HS6ST1: variants seen among roughly 807,000 people sequenced by gnomAD.
The protein encoded by HS6ST1 is heparan sulfate 6-O-sulfotransferase 1.
A neutral mutation model predicts 25.2 loss-of-function variants in HS6ST1; 3 were observed. That is an observed-to-expected ratio of 0.12 (90% CI 0.05 to 0.31). HS6ST1 has a LOEUF of 0.31. Among genes scored for constraint, HS6ST1 ranks in the 10% least tolerant of loss-of-function variants. The pLI, the probability that HS6ST1 is intolerant of heterozygous loss-of-function variation, is 1.00. For synonymous variants in HS6ST1, 204 were observed against 275.1 expected, an observed-to-expected ratio of 0.74 and a Z score of 2.56; for missense variants, 310 against 609.6, an observed-to-expected ratio of 0.51 and a Z score of 5.18.
rs1693500686 is a variant in HS6ST1 at position 128,265,723 on chromosome 2, G to C, written c.*2439C>G. 1 of 152,128 alleles carries C rather than the reference G, an allele frequency of 6.6e-6. No homozygotes were observed. The highest frequency in any genetic ancestry group is 2.1e-4 in the South Asian group (1 of 4,822). The allele number at this position is 152,128 out of a possible 1,614,324, so 9.4% of individuals were successfully genotyped here. On this transcript the variant is annotated 3_prime_UTR_variant, in exon 2 of 2. Coordinates refer to ENST00000259241, the MANE Select transcript of HS6ST1 (RefSeq NM_004807.3). ...GCCTTGTTTTGTGGGCAGTTCTGCT[G>C]TTCCTGGCTTCCCCTTCCAGGAGGG...
Position 128,318,047 on chromosome 2 carries a change from G to C in HS6ST1, c.517C>G (p.Arg173Gly). The change falls in exon 1 of 2, where the codon CGC (arginine) becomes GGC (glycine). Residue 173 changes from arginine (R) to glycine (G), a missense_variant. By Grantham distance (125) the Arg-to-Gly change is moderately radical. Coordinates refer to ENST00000259241, the MANE Select transcript of HS6ST1 (RefSeq NM_004807.3). The surrounding 1 kb of genome is among the most constrained non-coding windows in gnomAD (Gnocchi z 5.7). The part of the protein sequence containing the change: ...VLDRRDSAAL[R>G]TPRKFYYITL... ...CGCCCGGGCGCTCACCTGGGCGTGC[G>C]CAGCGCGGCGGAGTCGCGGCGGTCC... 6.6e-7 allele frequency: 1 copy of C among 1,516,810 alleles called. No individual in the cohort carries two copies. The highest frequency in any genetic ancestry group is 8.8e-7 in the Non-Finnish European group (1 of 1,138,716). 94.0% of individuals were successfully genotyped at this position (1,516,810 alleles called of 1,614,324 possible).
intron 1 of HS6ST1, 63 bp from the exon 2 acceptor site, chr2:128,268,933 T>C (rs1693569463): frequency 5.0e-6 from 7 of 1,412,318 alleles, no homozygotes; most frequent in Admixed American, 1.7e-5. Flanking sequence ...CTACCAGGGC[T>C]GCTCTGAGTC....
intron 1 of HS6ST1, among the ~76,000 whole-genome samples, chr2:128,286,449 G>C (rs1693862341): frequency 6.6e-6 from 1 of 152,208 alleles, no homozygotes; most frequent in Admixed American, 6.5e-5. Context: ...CCTGGCAAGG[G>C]GGCTGGGGAA....
chr2:128,274,365 G>C (rs1369355847), intron 1 of HS6ST1, among the ~76,000 whole-genome samples: 1 of 152,154 alleles, frequency 6.6e-6, no homozygotes, highest in Non-Finnish European at 1.5e-5. Flanking sequence ...CCGTATGTTA[G>C]AAACCATTGG....
intron 1 of HS6ST1, among the ~76,000 whole-genome samples, chr2:128,296,016 G>C (rs1558876459): frequency 1.3e-5 from 2 of 152,236 alleles, no homozygotes; most frequent in Non-Finnish European, 2.9e-5. Context: ...AATGGGACCA[G>C]TGGCTTCATA....
At chr2:128,301,342 G>T (rs1256813167) in intron 1 of HS6ST1, among the ~76,000 whole-genome samples, 1 of 152,152 alleles carries the variant, frequency 6.6e-6, no homozygotes, top group Non-Finnish European at 1.5e-5. Context: ...TGTCAGGCAG[G>T]GGTTCCCAGG....
In HS6ST1 at chr2:128,311,320, C is replaced by T. The variant is rs146131826; in HGVS notation, c.527+6717G>A. Among the ~76,000 whole-genome samples the T allele has an allele frequency of 3.9e-3, 600 of 152,238 alleles. 7 individuals carry two copies. Among genetic ancestry groups the T allele is most frequent in the South Asian group, 0.013 (61 of 4,820 alleles). Reference sequence around the variant, plus strand: ...GCCTCAAGGAGAGGAGAGCAGGTGCCAGTGAGTGTCCAGGTGGCTGCAGAG... The same window carrying T: ...GCCTCAAGGAGAGGAGAGCAGGTGCTAGTGAGTGTCCAGGTGGCTGCAGAG... On this transcript the variant is annotated intron_variant, in intron 1 of 1. Transcript: ENST00000259241.
At chr2:128,294,995 C>G (rs1053304714) in intron 1 of HS6ST1, among the ~76,000 whole-genome samples, 1 of 152,156 alleles carries the variant, frequency 6.6e-6, no homozygotes, top group Non-Finnish European at 1.5e-5. Flanking sequence ...ACCACCTCCC[C>G]CTCTTGGTTT....
intron 1 of HS6ST1, among the ~76,000 whole-genome samples, chr2:128,293,372 C>T (rs1453856690): frequency 1.3e-5 from 2 of 152,262 alleles, no homozygotes. Context: ...GAAGCATGAC[C>T]GTCACTCCCT....
intron 1 of HS6ST1, among the ~76,000 whole-genome samples, chr2:128,292,547 T>G (rs1163751505): frequency 2.0e-5 from 3 of 150,780 alleles, no homozygotes; most frequent in African/African-American, 4.9e-5. Context: ...ATGTGGAGGG[T>G]GGTGGTGGGC....
At chr2:128,282,007 A>G (rs1221200543) in intron 1 of HS6ST1, among the ~76,000 whole-genome samples, 1 of 152,216 alleles carries the variant, frequency 6.6e-6, no homozygotes, top group Non-Finnish European at 1.5e-5. Flanking sequence ...CTGACTGAAG[A>G]GAACTATTCA....
At chr2:128,315,158 G>A (rs1394294254) in intron 1 of HS6ST1, among the ~76,000 whole-genome samples, 1 of 152,206 alleles carries the variant, frequency 6.6e-6, no homozygotes, top group African/African-American at 2.4e-5. Flanking sequence ...AGCCCCCATG[G>A]TGAACACAGG....
In HS6ST1 at chr2:128,268,409, T is replaced by C; in HGVS notation, c.989A>G (p.Asp330Gly). Residue 330 changes from aspartate (D) to glycine (G), a missense_variant, in exon 2 of 2, where the codon GAT becomes GGT. Transcript: ENST00000259241. ...CTCGATGCGCCGGATGGTGTCTTCA[T>C]CCACCTCCACGCCGCCCGCCCGCGT... ...NSTRAGGVEVDEDTIRRIEEL... is the reference protein window; with the variant it reads ...NSTRAGGVEVGEDTIRRIEEL... 6.2e-7 allele frequency: 1 copy of C among 1,613,652 alleles called. No homozygotes were observed. Among genetic ancestry groups the C allele is most frequent in the South Asian group, 1.1e-5 (1 of 91,080 alleles).
intron 1 of HS6ST1, among the ~76,000 whole-genome samples, chr2:128,278,130 C>T (rs1476815290): frequency 6.6e-6 from 1 of 152,264 alleles, no homozygotes; most frequent in Non-Finnish European, 1.5e-5. Context: ...GAGTGCCTTC[C>T]AGGCAGGAGG....
chr2:128,305,570 C>G (rs752649012), intron 1 of HS6ST1, among the ~76,000 whole-genome samples: 4 of 152,240 alleles, frequency 2.6e-5, no homozygotes, highest in Non-Finnish European at 5.9e-5. Flanking sequence ...TGGAGCCCGG[C>G]TGGCTGAGGC....
At chr2:128,273,824 G>A (rs558652710) in intron 1 of HS6ST1, among the ~76,000 whole-genome samples, 5 of 152,364 alleles carry the variant, frequency 3.3e-5, no homozygotes, top group African/African-American at 4.8e-5. Flanking sequence ...GGAAGAGGGC[G>A]GGGTGTGGCG....
intron 1 of HS6ST1, among the ~76,000 whole-genome samples, chr2:128,274,043 C>T (rs1368515036): frequency 6.6e-6 from 1 of 152,226 alleles, no homozygotes; most frequent in Non-Finnish European, 1.5e-5. Flanking sequence ...TGCCCCAGAG[C>T]AGTCTTCCCT....
chr2:128,282,097 G>A (rs1424271160), intron 1 of HS6ST1, among the ~76,000 whole-genome samples: 1 of 152,222 alleles, frequency 6.6e-6, no homozygotes. Flanking sequence ...ACAATGGCCT[G>A]GCAATGCTGC....
intron 1 of HS6ST1, among the ~76,000 whole-genome samples, chr2:128,297,048 C>T (rs758212411): frequency 3.3e-5 from 5 of 152,022 alleles, no homozygotes; most frequent in Admixed American, 6.6e-5. Flanking sequence ...GATGACAAAG[C>T]GAGACCCTGT....
Sources: gnomAD v4.1 joint callset for allele counts (sites outside exome capture counted in the v4.1 genomes callset) on GRCh38, gnomAD v4.1.1 for gene constraint, Gnocchi (gnomAD v3.1) non-coding constraint, MANE v1.5 for transcripts, NCBI Gene and HGNC (gene_info 2026-07-23, HGNC 2026-07-21) for gene names.